The following ATF1 variants were observed in gnomAD, a reference collection of about 807,000 sequenced individuals.
The protein encoded by ATF1 is activating transcription factor 1.
Under a neutral mutation model 34.7 loss-of-function variants are expected in ATF1, and 16 were observed. The ratio of observed to expected loss-of-function variants is 0.46; its 90% confidence interval spans 0.31 to 0.70. The LOEUF (loss-of-function observed/expected upper bound fraction) is 0.70. Ranked by LOEUF, ATF1 falls within the 30% of genes least tolerant of loss-of-function variation. The pLI is 0.05. For synonymous variants in ATF1, 105 were observed against 113.1 expected, an observed-to-expected ratio of 0.93 and a Z score of 0.46; for missense variants, 255 against 321.6, an observed-to-expected ratio of 0.79 and a Z score of 1.58.
chr12:50,767,496 G>GC (rs750672486), intron 1 of ATF1, among the ~76,000 whole-genome samples: 41 of 152,188 alleles, frequency 2.7e-4, no homozygotes, highest in Non-Finnish European at 5.7e-4. Context: ...CTCCAGCCTG[G>GC]CAACAGAGCG....
In ATF1 at chr12:50,814,417, GAAATAA is replaced by G; in HGVS notation, c.650_655del (p.Glu217_Arg219delinsGly). 6.2e-7 allele frequency: 1 copy of G among 1,613,986 alleles called. No homozygotes were observed. Among genetic ancestry groups the G allele is most frequent in the Non-Finnish European group, 8.5e-7 (1 of 1,179,992 alleles). ...GACAGATGACCCCCAATTGAAAAGAGAAATAAGGTTAATGAAAAACAGGTAGGTAGT... is the reference window on the plus strand; with the variant it reads ...GACAGATGACCCCCAATTGAAAAGAGGGTTAATGAAAAACAGGTAGGTAGT... On this transcript the variant is annotated inframe_deletion, in exon 6 of 7. Transcript: ENST00000262053.
At chr12:50,797,309 T>C (rs1003459436) in intron 3 of ATF1, among the ~76,000 whole-genome samples, 1 of 152,208 alleles carries the variant, frequency 6.6e-6, no homozygotes, top group Admixed American at 6.5e-5. Context: ...TCTAGGTGTA[T>C]GTTGTAAAGT....
chr12:50,803,450 G>C (rs1435906586), intron 3 of ATF1, among the ~76,000 whole-genome samples: 1 of 151,652 alleles, frequency 6.6e-6, no homozygotes, highest in African/African-American at 2.4e-5. Context: ...ATAAGTGTTG[G>C]TGATGATATG....
chr12:50,776,149 A>G (rs1378620238), intron 1 of ATF1, among the ~76,000 whole-genome samples: 2 of 151,616 alleles, frequency 1.3e-5, no homozygotes, highest in Non-Finnish European at 1.5e-5. Flanking sequence ...CGTCTTTACT[A>G]AAAATACAAA....
chr12:50,814,115 G>A lies in ATF1; in HGVS notation c.434G>A (p.Gly145Asp). The stretch of plus-strand genomic sequence containing the variant: ...ACAAATTCAGGCAGTACTCAGCAAG[G>A]TACAACTATTCTTCAGTATGCACAG... ...TMTNSGSTQQ[G>D]TTILQYAQTS... Residue 145 changes from glycine (G) to aspartate (D), a missense_variant, in exon 5 of 7, where the codon GGT (glycine) becomes GAT (aspartate). Coordinates refer to ENST00000262053, the MANE Select transcript of ATF1 (RefSeq NM_005171.5). 8 of 1,614,180 alleles carry A rather than the reference G, an allele frequency of 5.0e-6. No homozygotes were observed. Among genetic ancestry groups the A allele is most frequent in the Non-Finnish European group, 5.9e-6 (7 of 1,180,024 alleles).
intron 1 of ATF1, among the ~76,000 whole-genome samples, chr12:50,766,063 G>A (rs1409989241): frequency 6.6e-6 from 1 of 152,116 alleles, no homozygotes; most frequent in African/African-American, 2.4e-5. Flanking sequence ...TTGGGGCCTG[G>A]ATCAGGACGC....
intron 2 of ATF1, among the ~76,000 whole-genome samples, chr12:50,789,119 C>A (rs1436729380): frequency 6.6e-6 from 1 of 151,406 alleles, no homozygotes; most frequent in African/African-American, 2.4e-5. Flanking sequence ...TGCTCTGTTG[C>A]CTAGGCTGGA....
chr12:50,813,632 G>A lies in ATF1; in HGVS notation c.329-378G>A, dbSNP rs911569539. The stretch of plus-strand genomic sequence containing the variant: ...AATTTGAGACCAGCCTGGCCAACAT[G>A]GAGAAGCTCCGTCTCTACTAAAAAT... On this transcript the variant is annotated intron_variant, in intron 4 of 6. Coordinates refer to ENST00000262053, the MANE Select transcript of ATF1 (RefSeq NM_005171.5). 4.6e-5 allele frequency among the ~76,000 whole-genome samples: 7 copies of A among 152,062 alleles called. 1 individual carries two copies. The highest frequency in any genetic ancestry group is 3.9e-4 in the East Asian group (2 of 5,164).
At chr12:50,796,870 C>T (rs1209918253) in intron 3 of ATF1, among the ~76,000 whole-genome samples, 1 of 152,058 alleles carries the variant, frequency 6.6e-6, no homozygotes, top group Non-Finnish European at 1.5e-5. Context: ...TTGGATATCA[C>T]ACCAAAAGCT....
rs189155011 is a variant in ATF1 at position 50,766,745 on chromosome 12, T to C, written c.-7+2438T>C. The stretch of plus-strand genomic sequence containing the variant: ...TACAAGCGGCTGCCTGAGGTTTTCA[T>C]TGTCGGCTGCAATGAGTGGGTCTTT... On this transcript the variant is annotated intron_variant, in intron 1 of 6. Transcript: ENST00000262053. Among the ~76,000 whole-genome samples, 105 of 151,120 alleles carry C rather than the reference T, an allele frequency of 6.9e-4. 1 individual carries two copies. The highest frequency in any genetic ancestry group is 1.3e-3 in the Non-Finnish European group (88 of 67,820).
intron 6 of ATF1, among the ~76,000 whole-genome samples, chr12:50,818,450 C>A: frequency 6.6e-6 from 1 of 151,970 alleles, no homozygotes; most frequent in Non-Finnish European, 1.5e-5. Flanking sequence ...TTACTGGAAA[C>A]CACTTAAAAC....
chr12:50,774,823 T>C (rs1176231927), intron 1 of ATF1, among the ~76,000 whole-genome samples: 1 of 150,744 alleles, frequency 6.6e-6, no homozygotes, highest in Non-Finnish European at 1.5e-5. Flanking sequence ...TCTCGGCTCA[T>C]TGCAAGCTCC....
At chr12:50,775,319 T>C (rs189338613) in intron 1 of ATF1, among the ~76,000 whole-genome samples, 6 of 152,078 alleles carry the variant, frequency 3.9e-5, no homozygotes, top group Non-Finnish European at 5.9e-5. Context: ...ACTGTTGATA[T>C]GTGTGTTTTT....
At chr12:50,767,179 T>A (rs1390490653) in intron 1 of ATF1, among the ~76,000 whole-genome samples, 1 of 151,948 alleles carries the variant, frequency 6.6e-6, no homozygotes, top group Non-Finnish European at 1.5e-5. Context: ...CAGTCAGATT[T>A]CTGGCTTCTC....
At chr12:50,774,916 T>C (rs980121942) in intron 1 of ATF1, among the ~76,000 whole-genome samples, 15 of 151,628 alleles carry the variant, frequency 9.9e-5, no homozygotes, top group African/African-American at 3.4e-4. Context: ...CCCAGCTAAT[T>C]TTTTGTATTT....
At chr12:50,787,522 C>G (rs1941209477) in intron 2 of ATF1, among the ~76,000 whole-genome samples, 1 of 151,670 alleles carries the variant, frequency 6.6e-6, no homozygotes, top group Non-Finnish European at 1.5e-5. Context: ...TGCTTGAGCT[C>G]AAGAGTTCAA....
chr12:50,802,002 A>C (rs1941521185), intron 3 of ATF1, among the ~76,000 whole-genome samples: 1 of 152,230 alleles, frequency 6.6e-6, no homozygotes, highest in Admixed American at 6.5e-5. Context: ...TTATATATAC[A>C]AAATCCTAAA....
chr12:50,787,914 A>C (rs149473421), intron 2 of ATF1, among the ~76,000 whole-genome samples: 2 of 152,328 alleles, frequency 1.3e-5, no homozygotes, highest in Non-Finnish European at 2.9e-5. Flanking sequence ...AGAACTGTGG[A>C]ATAATATCTC....
rs540454907 is a variant in ATF1, at chr12:50,796,164, G to A, written c.194+155G>A. 1.4e-4 allele frequency among the ~76,000 whole-genome samples: 22 copies of A among 152,318 alleles called. 1 individual carries two copies. In the East Asian group the frequency reaches 3.9e-3, roughly 27 times the overall value. On this transcript the variant is annotated intron_variant, in intron 3 of 6. Transcript: ENST00000262053. ...TATAATCCCAACCCTTTCGGAGGCCGAGGTAGGATTGCTTGAGCCCAGGAG... is the reference window on the plus strand; with the variant it reads ...TATAATCCCAACCCTTTCGGAGGCCAAGGTAGGATTGCTTGAGCCCAGGAG...
Sources: allele counts gnomAD v4.1 joint callset (sites outside exome capture counted in the v4.1 genomes callset), GRCh38; gene constraint gnomAD v4.1.1; transcripts MANE v1.5; gene names NCBI Gene and HGNC (gene_info 2026-07-23, HGNC 2026-07-21).